The following AHCYL2 variants were observed in gnomAD, a reference collection of about 807,000 sequenced individuals.
AHCYL2 encodes the protein S-adenosylhomocysteine hydrolase-like protein 2.
A neutral mutation model predicts 81.4 loss-of-function variants in AHCYL2; 28 were observed. The ratio of observed to expected loss-of-function variants is 0.34; its 90% CI spans 0.25 to 0.47. The LOEUF is 0.47. Ranked by LOEUF, AHCYL2 falls within the 20% of genes least tolerant of loss-of-function variation. AHCYL2 has a pLI of 1.00. For missense variants in AHCYL2, 551 were observed against 785.1 expected, an observed-to-expected ratio of 0.70 and a Z score of 3.56; for synonymous variants, 272 against 290.2, an observed-to-expected ratio of 0.94 and a Z score of 0.64.
rs1455631344 is a variant in AHCYL2, at chr7:129,232,017, G to A, written c.363+6578G>A. ...TTCTTAGCTTAGAACCTATATAAAGGAAGGGTATTTGAACTGCTGATTGAG... is the reference window on the plus strand; with the variant it reads ...TTCTTAGCTTAGAACCTATATAAAGAAAGGGTATTTGAACTGCTGATTGAG... On this transcript the variant is annotated intron_variant, in intron 1 of 16. Coordinates refer to ENST00000325006, the MANE Select transcript of AHCYL2 (RefSeq NM_015328.4). 2.0e-5 allele frequency among the ~76,000 whole-genome samples: 3 copies of A among 151,960 alleles called. No individual in the cohort carries two copies. In the East Asian group the frequency reaches 5.8e-4, roughly 29 times the overall value.
intron 1 of AHCYL2, among the ~76,000 whole-genome samples, chr7:129,244,080 C>T (rs1794963171): frequency 6.6e-6 from 1 of 151,186 alleles, no homozygotes; most frequent in Non-Finnish European, 1.5e-5. Flanking sequence ...TTCACTGCAG[C>T]CTTGAACTCC....
chr7:129,311,379 G>C (rs1203785241), intron 1 of AHCYL2, among the ~76,000 whole-genome samples: 4 of 152,130 alleles, frequency 2.6e-5, no homozygotes, highest in African/African-American at 9.7e-5. Flanking sequence ...CATGGTGATC[G>C]TACCTATTCC....
chr7:129,276,804 T>TA (rs749689066), intron 1 of AHCYL2, among the ~76,000 whole-genome samples: 97 of 147,600 alleles, frequency 6.6e-4, no homozygotes, highest in Middle Eastern at 3.5e-3. Context: ...GTTGGTTTTC[T>TA]AAAAAAAAAG....
At position 129,311,612 on chromosome 7, in the gene AHCYL2, T is replaced by G. The variant is rs575528514; in HGVS notation, c.364-68026T>G. Reference sequence around the variant, plus strand: ...CAGCAACTTGGGCAGAAAGTCCTATTGTCATTGTTGACTACCCTCTCTAAT... The same window carrying G: ...CAGCAACTTGGGCAGAAAGTCCTATGGTCATTGTTGACTACCCTCTCTAAT... On this transcript the variant is annotated intron_variant, in intron 1 of 16. Coordinates refer to ENST00000325006, the MANE Select transcript of AHCYL2 (RefSeq NM_015328.4). Among the ~76,000 whole-genome samples the G allele has an allele frequency of 2.0e-5, 3 of 151,928 alleles. No homozygotes were observed. The East Asian group carries it at 5.8e-4, about 29-fold the overall frequency.
chr7:129,346,833 G>T (rs1793378936), intron 1 of AHCYL2, among the ~76,000 whole-genome samples: 1 of 152,136 alleles, frequency 6.6e-6, no homozygotes, highest in Non-Finnish European at 1.5e-5. Flanking sequence ...CCTGCTCACA[G>T]GTGTTTATAG....
intron 1 of AHCYL2, among the ~76,000 whole-genome samples, chr7:129,344,433 A>G (rs1302221884): frequency 1.3e-5 from 2 of 152,238 alleles, no homozygotes; most frequent in Admixed American, 6.5e-5. Flanking sequence ...AACTACTCAT[A>G]TAACAGTATG....
At chr7:129,268,203 G>A (rs1161496866) in intron 1 of AHCYL2, among the ~76,000 whole-genome samples, 2 of 152,082 alleles carry the variant, frequency 1.3e-5, no homozygotes, top group African/African-American at 2.4e-5. Context: ...TTATCTTGAG[G>A]ATCTTGTTTT....
chr7:129,375,752 C>G, intron 1 of AHCYL2: 1 of 1,494,262 alleles, frequency 6.7e-7, no homozygotes, highest in South Asian at 1.3e-5. Context: ...CCCCCACTCC[C>G]CAGCCCAAAA....
At chr7:129,347,097 A>C (rs1793388864) in intron 1 of AHCYL2, among the ~76,000 whole-genome samples, 1 of 152,182 alleles carries the variant, frequency 6.6e-6, no homozygotes, top group South Asian at 2.1e-4. Flanking sequence ...AAATATGGAG[A>C]CAGTGAAACG....
intron 1 of AHCYL2, among the ~76,000 whole-genome samples, chr7:129,317,506 T>A (rs2694575): frequency 6.6e-6 from 1 of 152,160 alleles, no homozygotes; most frequent in Non-Finnish European, 1.5e-5. Context: ...TAGGAAATCT[T>A]GCAGACCACA....
In AHCYL2 at chr7:129,368,531, T is replaced by A. The variant is rs761105144; in HGVS notation, c.364-11107T>A. ...GGACGGTAATGAGGGCACCTCAGCT[T>A]TTCACATGCCTGAGTGGATGGTGAG... On this transcript the variant is annotated intron_variant, in intron 1 of 16. Transcript: ENST00000325006. This position sits in a 1 kb window ranked among gnomAD's most constrained non-coding sequence, Gnocchi z 4.4. 1 of 1,614,036 alleles carries A rather than the reference T, an allele frequency of 6.2e-7. No homozygotes were observed. Among genetic ancestry groups the A allele is most frequent in the South Asian group, 1.1e-5 (1 of 91,088 alleles).
rs1340571642 is a variant in AHCYL2 at position 129,426,448 on chromosome 7, T to C, written c.1714T>C (p.Tyr572His). 6.2e-7 allele frequency: 1 copy of C among 1,614,056 alleles called. No homozygotes were observed. The highest frequency in any genetic ancestry group is 8.5e-7 in the Non-Finnish European group (1 of 1,179,962). ...VYLLPKKMDE[Y>H]VASLHLPTFD... ...GCTTCTGTGGTCTGTTCCAGATGAG[T>C]ATGTGGCCAGCCTACACCTGCCTAC... Residue 572 changes from tyrosine to histidine, a missense_variant, in exon 16 of 17, where the codon TAT becomes CAT. Transcript: ENST00000325006. This position sits in a 1 kb window ranked among gnomAD's most constrained non-coding sequence, Gnocchi z 4.3.
intron 5 of AHCYL2, among the ~76,000 whole-genome samples, chr7:129,399,005 G>A (rs1795885984): frequency 6.6e-6 from 1 of 151,748 alleles, no homozygotes; most frequent in Non-Finnish European, 1.5e-5. Context: ...AGCTGAGTGT[G>A]GTGGTGCAGG....
chr7:129,313,951 T>G (rs1797749244), intron 1 of AHCYL2, among the ~76,000 whole-genome samples: 1 of 152,122 alleles, frequency 6.6e-6, no homozygotes, highest in Non-Finnish European at 1.5e-5. Flanking sequence ...AATGTAGCAT[T>G]TATAGGTACT....
chr7:129,243,092 C>A (rs985453588), intron 1 of AHCYL2, among the ~76,000 whole-genome samples: 2 of 144,066 alleles, frequency 1.4e-5, no homozygotes, highest in African/African-American at 2.6e-5. Context: ...ATGATCTTGG[C>A]TCACTGCAAC....
At chr7:129,321,743 G>GTTTTTTTTTTTTTTTTTT in intron 1 of AHCYL2, among the ~76,000 whole-genome samples, 157 of 77,420 alleles carry the variant, frequency 2.0e-3, no homozygotes, top group Middle Eastern at 9.6e-3. Flanking sequence ...TTCTTTCTTT[G>GTTTTTTTTTTTTTTTTTT]TTTTTTTTTT....
intron 1 of AHCYL2, among the ~76,000 whole-genome samples, chr7:129,254,255 T>G (rs892095308): frequency 6.6e-6 from 1 of 152,180 alleles, no homozygotes; most frequent in Non-Finnish European, 1.5e-5. Context: ...CAAAGATGGC[T>G]AATTAGAGTA....
chr7:129,242,576 G>T (rs1044836894), intron 1 of AHCYL2, among the ~76,000 whole-genome samples: 1 of 152,110 alleles, frequency 6.6e-6, no homozygotes, highest in African/African-American at 2.4e-5. Context: ...AATTAGCGGG[G>T]TGTGGTGGTG....
chr7:129,291,611 C>CTT lies in AHCYL2; in HGVS notation c.363+66180_363+66181dup, dbSNP rs562945263. ...TATTGCCACAAAGTCTTTTTTTTTT[C>CTT]TTTTTTTTTGAGACAGGGTCTTGCT... On this transcript the variant is annotated intron_variant, in intron 1 of 16. Transcript: ENST00000325006. Among the ~76,000 whole-genome samples the CTT allele has an allele frequency of 3.8e-3, 346 of 91,796 alleles. 3 individuals carry two copies. The highest frequency in any genetic ancestry group is 0.013 in the African/African-American group (322 of 24,352). 60.2% of individuals were successfully genotyped at this position (91,796 alleles called of 152,430 possible). A position where few individuals can be genotyped will look rare whatever the true frequency, so the allele number is the denominator to read the frequency against.
Sources: gnomAD v4.1 joint callset for allele counts (sites outside exome capture counted in the v4.1 genomes callset) on GRCh38, gnomAD v4.1.1 for gene constraint, Gnocchi (gnomAD v3.1) non-coding constraint, MANE v1.5 for transcripts, NCBI Gene and HGNC (gene_info 2026-07-23, HGNC 2026-07-21) for gene names.